The following CORO7 variants were observed in gnomAD, a reference collection of about 807,000 sequenced individuals.
CORO7 encodes coronin-7.
CORO7 carries 107 observed loss-of-function variants against 126.6 expected under a neutral mutation model. The observed-to-expected ratio is 0.85, with a 90% CI of 0.72 to 0.99. CORO7 has a LOEUF of 0.99. Ranked by LOEUF, CORO7 falls within the 50% of genes least tolerant of loss-of-function variation. The pLI is 0.00. For missense variants in CORO7, 1,314 were observed against 1,255.8 expected (o/e 1.05, Z -0.70); for synonymous variants, 603 against 536.8 (o/e 1.12, Z -1.70).
At chr16:4,372,611 G>A (rs1313425875) in intron 9 of CORO7, among the ~76,000 whole-genome samples, 1 of 152,192 alleles carries the variant, frequency 6.6e-6, no homozygotes, top group Admixed American at 6.5e-5. Flanking sequence ...GCCAGGGAAG[G>A]GGCTTTGCTT....
In CORO7 at chr16:4,364,866, T is replaced by C; in HGVS notation, c.953A>G (p.Gln318Arg). The C allele has an allele frequency of 1.2e-6, 2 of 1,611,786 alleles. No homozygotes were observed. The highest frequency in any genetic ancestry group is 1.1e-5 in the South Asian group (1 of 90,894). ...VLRGAALVPR[Q>R]ALAVMSCEVL... ...CTCGCAGCTCATGACGGCCAGCGCCTGCCGGGGCACAAGGGCAGCCCCACG... is the reference window on the plus strand; with the variant it reads ...CTCGCAGCTCATGACGGCCAGCGCCCGCCGGGGCACAAGGGCAGCCCCACG... Residue 318 changes from glutamine (Q) to arginine (R), a missense_variant, in exon 12 of 28, where the codon CAG becomes CGG. Coordinates refer to ENST00000251166, the MANE Select transcript of CORO7 (RefSeq NM_024535.5).
chr16:4,410,817 T>G (rs2056177148), intron 3 of CORO7, among the ~76,000 whole-genome samples: 5 of 152,168 alleles, frequency 3.3e-5, no homozygotes, highest in South Asian at 2.1e-4. Context: ...AACTCTGCAG[T>G]TGTTGCAAGA....
intron 9 of CORO7, among the ~76,000 whole-genome samples, chr16:4,374,182 T>A (rs2054633379): frequency 6.7e-6 from 1 of 148,414 alleles, no homozygotes; most frequent in Non-Finnish European, 1.5e-5. Context: ...CAGGGCTGTG[T>A]ATTTGGGGGT....
In CORO7 at chr16:4,365,473, C is replaced by A; in HGVS notation, c.840+18G>T. On this transcript the variant is annotated intron_variant, in intron 10 of 27. Transcript: ENST00000251166. ...TCCAGGCTGTGGATGTGGGTGGGAGCCCCAGCTTCTCACTCACCTTTCCTG... is the reference window on the plus strand; with the variant it reads ...TCCAGGCTGTGGATGTGGGTGGGAGACCCAGCTTCTCACTCACCTTTCCTG... The A allele has an allele frequency of 6.4e-7, 1 of 1,558,986 alleles. No individual in the cohort carries two copies.
intron 6 of CORO7, 159 bp downstream of exon 6, chr16:4,405,332 G>C: frequency 1.4e-6 from 1 of 693,574 alleles, no homozygotes; most frequent in South Asian, 2.8e-5. Flanking sequence ...GGTGAGCGGG[G>C]GTGTGAGGAG....
chr16:4,415,134 T>C lies in CORO7; in HGVS notation c.60+1325A>G, dbSNP rs146553079. Among the ~76,000 whole-genome samples, 246 of 152,244 alleles carry C rather than the reference T, an allele frequency of 1.6e-3. 1 individual carries two copies. Among genetic ancestry groups the C allele is most frequent in the African/African-American group, 5.6e-3 (232 of 41,552 alleles). ...TCCACCCAAAGTACTGGGATTACCG[T>C]GAGTCATGGTATCCAGCCCCTCCCC... On this transcript the variant is annotated intron_variant, in intron 1 of 27. Coordinates refer to ENST00000251166, the MANE Select transcript of CORO7 (RefSeq NM_024535.5).
chr16:4,408,341 G>C, intron 3 of CORO7, 90 bp from the exon 4 acceptor site: 1 of 1,568,140 alleles, frequency 6.4e-7, no homozygotes, highest in Non-Finnish European at 8.7e-7. Context: ...TGACACTTTT[G>C]TGTGCACACA....
intron 25 of CORO7, 151 bp downstream of exon 25, chr16:4,357,817 C>T (rs2054027709): frequency 5.8e-6 from 8 of 1,383,262 alleles, no homozygotes; most frequent in Non-Finnish European, 6.7e-6. Context: ...CTGCCCTCCA[C>T]TGGCTCAGAG....
chr16:4,385,180 G>A (rs1470220678), intron 9 of CORO7, among the ~76,000 whole-genome samples: 4 of 152,180 alleles, frequency 2.6e-5, no homozygotes, highest in African/African-American at 9.7e-5. Flanking sequence ...ATCACCAGGT[G>A]CTGACTGCAG....
At chr16:4,395,745 A>G (rs907508529) in intron 6 of CORO7, among the ~76,000 whole-genome samples, 2 of 152,046 alleles carry the variant, frequency 1.3e-5, no homozygotes, top group African/African-American at 4.8e-5. Context: ...CGCCCCACAC[A>G]TGCTCAGCCC....
rs1339500195 is a variant in CORO7 at position 4,362,985 on chromosome 16, C to T, written c.1276-247G>A. On this transcript the variant is annotated intron_variant, in intron 14 of 27. Transcript: ENST00000251166. The surrounding 1 kb of genome is among the most constrained non-coding windows in gnomAD (Gnocchi z 5.3). ...CTCCCAGCCCTGCAGGAGGGTGTGC[C>T]CAGTGGGTTAGATCTGCCAGTATTT... 1 of 393,128 alleles carries T rather than the reference C, an allele frequency of 2.5e-6. No individual in the cohort carries two copies. Among genetic ancestry groups the T allele is most frequent in the African/African-American group, 2.1e-5 (1 of 48,522 alleles). 24.4% of individuals were successfully genotyped at this position (393,128 alleles called of 1,614,324 possible). A position where few individuals can be genotyped will look rare whatever the true frequency, so the allele number is the denominator to read the frequency against.
Position 4,382,739 on chromosome 16 carries a change from C to T in CORO7, c.785+5247G>A, listed in dbSNP as rs775296929. The stretch of plus-strand genomic sequence containing the variant: ...GGGCAGGTGGGGCCAGGGGCTGGGC[C>T]CCTGGAACTGGAGGGAGTGAAGGTC... On this transcript the variant is annotated intron_variant, in intron 9 of 27. Coordinates refer to ENST00000251166, the MANE Select transcript of CORO7 (RefSeq NM_024535.5). 19 of 1,555,500 alleles carry T rather than the reference C, an allele frequency of 1.2e-5. No homozygotes were observed. The South Asian group carries it at 1.7e-4, about 14-fold the overall frequency.
At chr16:4,381,233 C>A in intron 9 of CORO7, 2 of 1,611,998 alleles carry the variant, frequency 1.2e-6, no homozygotes, top group Non-Finnish European at 1.7e-6. Flanking sequence ...ACCAATGAGA[C>A]CTTCCGTGGC....
intron 9 of CORO7, among the ~76,000 whole-genome samples, chr16:4,369,352 G>A (rs925527701): frequency 6.6e-6 from 1 of 152,262 alleles, no homozygotes; most frequent in Non-Finnish European, 1.5e-5. Flanking sequence ...TCTGGAACAT[G>A]GTACATGAGC....
intron 1 of CORO7, among the ~76,000 whole-genome samples, chr16:4,413,866 T>C (rs1174547264): frequency 6.6e-6 from 1 of 150,556 alleles, no homozygotes; most frequent in African/African-American, 2.4e-5. Context: ...TCAAACTCTG[T>C]CCCCACTCAC....
At chr16:4,371,384 A>G (rs918874189) in intron 9 of CORO7, among the ~76,000 whole-genome samples, 1 of 152,102 alleles carries the variant, frequency 6.6e-6, no homozygotes, top group African/African-American at 2.4e-5. Flanking sequence ...ACATTGAGAG[A>G]TTTCACCTAA....
intron 9 of CORO7, among the ~76,000 whole-genome samples, chr16:4,368,620 C>T (rs1175557166): frequency 2.0e-5 from 3 of 151,350 alleles, no homozygotes; most frequent in Non-Finnish European, 2.9e-5. Flanking sequence ...TGGTGGCGTG[C>T]ACCTGGAATC....
At chr16:4,380,187 C>T (rs1468965866) in intron 9 of CORO7, among the ~76,000 whole-genome samples, 1 of 152,172 alleles carries the variant, frequency 6.6e-6, no homozygotes, top group African/African-American at 2.4e-5. Flanking sequence ...GCTCTGTCAC[C>T]AGCCTCAGCT....
At chr16:4,385,395 C>G (rs2055161012) in intron 9 of CORO7, among the ~76,000 whole-genome samples, 1 of 152,108 alleles carries the variant, frequency 6.6e-6, no homozygotes. Context: ...AGCAATACAC[C>G]CTACTTCTAT....
Sources: allele counts gnomAD v4.1 joint callset (sites outside exome capture counted in the v4.1 genomes callset), GRCh38; gene constraint gnomAD v4.1.1; non-coding constraint Gnocchi (gnomAD v3.1); transcripts MANE v1.5; gene names NCBI Gene and HGNC (gene_info 2026-07-23, HGNC 2026-07-21).